Variants in LIMCH1 observed in about 807,000 individuals in gnomAD.
The protein encoded by LIMCH1 is LIM and calponin homology domains-containing protein 1.
Under a neutral mutation model 176.5 loss-of-function variants are expected in LIMCH1, and 113 were observed. The observed-to-expected ratio is 0.64, with a 90% CI of 0.55 to 0.75. The LOEUF is 0.75. Ranked by LOEUF, LIMCH1 falls within the 30% of genes least tolerant of loss-of-function variation. The pLI is 0.00. For synonymous variants in LIMCH1, 619 were observed against 645.9 expected, an observed-to-expected ratio of 0.96 and a Z score of 0.63; for missense variants, 1,674 against 1,814.9, an observed-to-expected ratio of 0.92 and a Z score of 1.41.
chr4:41,478,690 C>T (rs1421415970), intron 1 of LIMCH1, among the ~76,000 whole-genome samples: 2 of 152,228 alleles, frequency 1.3e-5, no homozygotes, highest in Non-Finnish European at 2.9e-5. Flanking sequence ...AGTTCTAGTT[C>T]TTTGCCTGAA....
In LIMCH1 at chr4:41,626,885, C is replaced by G; in HGVS notation, c.903C>G (p.Thr301=). The change falls in exon 8 of 32, where the codon ACC becomes ACG. Residue 301 remains threonine, a synonymous_variant. Coordinates refer to ENST00000503057, the MANE Select transcript of LIMCH1 (RefSeq NM_001330672.2). ...FAARRARMNQ[T]KPMVPLNQLL... ...CAAGGAGAGCAAGGATGAACCAAAC[C>G]AAGCCAATGGTGCCATTAAATCAAC... 6.5e-7 allele frequency: 1 copy of G among 1,536,074 alleles called. No homozygotes were observed. The highest frequency in any genetic ancestry group is 8.7e-7 in the Non-Finnish European group (1 of 1,146,890).
At chr4:41,650,830 G>C (rs1477419122) in intron 18 of LIMCH1, among the ~76,000 whole-genome samples, 1 of 151,990 alleles carries the variant, frequency 6.6e-6, no homozygotes, top group Non-Finnish European at 1.5e-5. Context: ...GGCAGGGTTG[G>C]CTCCCTCCAT....
chr4:41,670,705 C>T (rs772025809), intron 21 of LIMCH1: 3 of 1,524,478 alleles, frequency 2.0e-6, no homozygotes, highest in South Asian at 1.2e-5. Context: ...TTCTGTTCTG[C>T]CATCTGATCT....
chr4:41,633,986 T>C lies in LIMCH1; in HGVS notation c.2090+178T>C, dbSNP rs549053472. ...TCCTCTTTTTACATGTAAGCAGGTG[T>C]GATTCAGTGGTGAATTTACCTGTTA... On this transcript the variant is annotated intron_variant, in intron 13 of 31. Transcript: ENST00000503057. 1.9e-4 allele frequency among the ~76,000 whole-genome samples: 29 copies of C among 152,352 alleles called. No individual in the cohort carries two copies. In the South Asian group the frequency reaches 6.0e-3, roughly 32 times the overall value.
intron 2 of LIMCH1, among the ~76,000 whole-genome samples, chr4:41,506,931 C>G (rs1470653443): frequency 1.3e-5 from 2 of 152,174 alleles, no homozygotes; most frequent in South Asian, 2.1e-4. Flanking sequence ...GCCCCCACCC[C>G]TCATTTAGAT....
upstream of LIMCH1, among the ~76,000 whole-genome samples, chr4:41,536,346 A>G (rs1250121610): frequency 6.6e-6 from 1 of 152,190 alleles, no homozygotes; most frequent in African/African-American, 2.4e-5. Context: ...AACTCGCTAG[A>G]CGCCTCTCTT....
At chr4:41,537,227 TA>T (rs1285380985), upstream of LIMCH1, among the ~76,000 whole-genome samples, 3 of 152,256 alleles carry the variant, frequency 2.0e-5, no homozygotes, top group Non-Finnish European at 2.9e-5. Context: ...TAAACTTTTA[TA>T]AATGATGAAT....
At chr4:41,605,759 T>A in intron 3 of LIMCH1, 135 bp from the exon 4 acceptor site, 1 of 477,050 alleles carries the variant, frequency 2.1e-6, no homozygotes, top group Non-Finnish European at 4.1e-6. Context: ...GGATACCTCA[T>A]GGGTGGTGGT....
intron 1 of LIMCH1, among the ~76,000 whole-genome samples, chr4:41,389,835 A>T (rs1398970723): frequency 6.6e-6 from 1 of 152,154 alleles, no homozygotes; most frequent in South Asian, 2.1e-4. Flanking sequence ...ATTGCTCCAG[A>T]TCCTGAACTA....
intron 30 of LIMCH1, among the ~76,000 whole-genome samples, chr4:41,690,701 C>G (rs764143366): frequency 1.3e-5 from 2 of 152,030 alleles, no homozygotes; most frequent in Non-Finnish European, 2.9e-5. Flanking sequence ...GAAGTTGTCC[C>G]CAAATTACTA....
chr4:41,687,973 A>G lies in LIMCH1; in HGVS notation c.4166+56A>G, dbSNP rs561191870. 2.1e-6 allele frequency: 3 copies of G among 1,401,254 alleles called. No homozygotes were observed. In the African/African-American group the frequency reaches 4.2e-5, roughly 20 times the overall value. 86.8% of individuals were successfully genotyped at this position (1,401,254 alleles called of 1,614,324 possible). A position where few individuals can be genotyped will look rare whatever the true frequency, so the allele number is the denominator to read the frequency against. On this transcript the variant is annotated intron_variant, in intron 29 of 31. Coordinates refer to ENST00000503057, the MANE Select transcript of LIMCH1 (RefSeq NM_001330672.2). ...TGCTTTGTTATGACTAGAGCTTGCCAAGCATCATTTCAACTGAATTAGTGC... is the reference window on the plus strand; with the variant it reads ...TGCTTTGTTATGACTAGAGCTTGCCGAGCATCATTTCAACTGAATTAGTGC...
At chr4:41,426,523 A>C (rs1034020327) in intron 1 of LIMCH1, among the ~76,000 whole-genome samples, 6 of 152,248 alleles carry the variant, frequency 3.9e-5, no homozygotes, top group Non-Finnish European at 7.3e-5. Flanking sequence ...TGCTTAGAGT[A>C]ATTCAGATAA....
At chr4:41,492,327 A>T (rs1043516876) in intron 1 of LIMCH1, among the ~76,000 whole-genome samples, 3 of 151,632 alleles carry the variant, frequency 2.0e-5, no homozygotes, top group Non-Finnish European at 4.4e-5. Flanking sequence ...CCGGAGCCCG[A>T]GGCAGGGAGG....
chr4:41,619,292 G>T lies in LIMCH1; in HGVS notation c.310G>T (p.Ala104Ser). ...RRTSHGEPKS[A>S]VPFNQYLPNK... Reference sequence around the variant, plus strand: ...GACTTCCCATGGTGAGCCGAAATCAGCAGTGCCTTTTAACCAGTACCTCCC... The same window carrying T: ...GACTTCCCATGGTGAGCCGAAATCATCAGTGCCTTTTAACCAGTACCTCCC... The change falls in exon 6 of 32, where the codon GCA becomes TCA. Residue 104 changes from alanine (A) to serine (S), a missense_variant. Coordinates refer to ENST00000503057, the MANE Select transcript of LIMCH1 (RefSeq NM_001330672.2). The T allele has an allele frequency of 6.2e-7, 1 of 1,614,224 alleles. No individual in the cohort carries two copies. Among genetic ancestry groups the T allele is most frequent in the Non-Finnish European group, 8.5e-7 (1 of 1,180,042 alleles).
At chr4:41,666,152 T>C (rs1287760647) in intron 20 of LIMCH1, among the ~76,000 whole-genome samples, 1 of 152,232 alleles carries the variant, frequency 6.6e-6, no homozygotes, top group African/African-American at 2.4e-5. Context: ...TGTTTAGCAC[T>C]TATGGAGTAA....
intron 1 of LIMCH1, among the ~76,000 whole-genome samples, chr4:41,408,227 A>C (rs7659967): frequency 0.85 from 128,832 of 151,686 alleles, 55,701 homozygotes; most frequent in East Asian, 0.99. Context: ...ATTTTGGGGA[A>C]TGGTGAGATG....
At chr4:41,580,182 T>C (rs1262737038) in intron 1 of LIMCH1, among the ~76,000 whole-genome samples, 1 of 152,158 alleles carries the variant, frequency 6.6e-6, no homozygotes, top group African/African-American at 2.4e-5. Context: ...ATGCGTTTCG[T>C]GTCCGTTTTC....
At chr4:41,554,757 C>A (rs753299667) in intron 1 of LIMCH1, among the ~76,000 whole-genome samples, 3 of 152,078 alleles carry the variant, frequency 2.0e-5, no homozygotes, top group Non-Finnish European at 4.4e-5. Flanking sequence ...GTCCTTGAAC[C>A]GTGTCAATTG....
chr4:41,660,290 A>G (rs2094576707), intron 18 of LIMCH1, among the ~76,000 whole-genome samples: 1 of 151,984 alleles, frequency 6.6e-6, no homozygotes, highest in African/African-American at 2.4e-5. Flanking sequence ...AGTTGTTTCA[A>G]TTTTTTTTAC....
Sources: allele counts gnomAD v4.1 joint callset (sites outside exome capture counted in the v4.1 genomes callset), GRCh38; gene constraint gnomAD v4.1.1; transcripts MANE v1.5; gene names NCBI Gene and HGNC (gene_info 2026-07-23, HGNC 2026-07-21).